OR5I1: variants seen among roughly 807,000 people sequenced by gnomAD.
OR5I1 encodes the protein olfactory receptor 5I1.
For missense variants in OR5I1, 425 were observed against 367.6 expected (o/e 1.16, Z -1.28); for synonymous variants, 163 against 145.5 (o/e 1.12, Z -0.87).
Position 55,935,869 on chromosome 11 carries a change from G to T in OR5I1, c.532C>A (p.His178Asn), listed in dbSNP as rs1565151515. 6.2e-7 allele frequency: 1 copy of T among 1,611,724 alleles called. No individual in the cohort carries two copies. The highest frequency in any genetic ancestry group is 8.5e-7 in the Non-Finnish European group (1 of 1,178,874). The change falls in exon 1 of 1, where the codon CAT (histidine) becomes AAT (asparagine). Residue 178 changes from histidine (H) to asparagine (N), a missense_variant. His to Asn is a moderately conservative substitution (Grantham distance 68). Coordinates refer to ENST00000301532, the MANE Select transcript of OR5I1 (RefSeq NM_006637.1). ...LKYCDKNVIN[H>N]FFCDLPPLLK... ...AGGGGAGGGAGGTCACAGAAAAAATGATTAATAACATTTTTGTCACAATAT... is the reference window on the plus strand; with the variant it reads ...AGGGGAGGGAGGTCACAGAAAAAATTATTAATAACATTTTTGTCACAATAT...
chr11:55,935,807 C>T lies in OR5I1; in HGVS notation c.594G>A (p.Glu198=). The T allele has an allele frequency of 6.2e-7, 1 of 1,611,816 alleles. No individual in the cohort carries two copies. Among genetic ancestry groups the T allele is most frequent in the Non-Finnish European group, 8.5e-7 (1 of 1,178,854 alleles). Residue 198 remains glutamate (E), a synonymous_variant, in exon 1 of 1, where the codon GAG becomes GAA. Transcript: ENST00000301532. ...KLSCTDTTIN[E]WLLSTYGSSV... is the part of the protein sequence containing the mutation. Reference sequence around the variant, plus strand: ...AGCTGCCGTATGTGGAGAGGAGCCACTCATTAATTGTTGTGTCAGTGCAGG... The same window carrying T: ...AGCTGCCGTATGTGGAGAGGAGCCATTCATTAATTGTTGTGTCAGTGCAGG...
rs150214944 is a variant in OR5I1, at chr11:55,936,371, C to T, written c.30G>A (p.Leu10=). 2 of 1,585,642 alleles carry T rather than the reference C, an allele frequency of 1.3e-6. No homozygotes were observed. The highest frequency in any genetic ancestry group is 2.7e-5 in the African/African-American group (2 of 73,722). The change falls in exon 1 of 1, where the codon TTG becomes TTA. Residue 10 remains leucine (L), a synonymous_variant. Transcript: ENST00000301532. MEFTDRNYT[L]VTEFILLGFP... ...AACCTAATAGAATAAACTCAGTGACCAACGTGTAGTTTCTATCTGTAAATT... is the reference window on the plus strand; with the variant it reads ...AACCTAATAGAATAAACTCAGTGACTAACGTGTAGTTTCTATCTGTAAATT...
At position 55,935,505 on chromosome 11, in the gene OR5I1, A is replaced by G; in HGVS notation, c.896T>C (p.Val299Ala). 6.2e-7 allele frequency: 1 copy of G among 1,606,990 alleles called. No homozygotes were observed. The highest frequency in any genetic ancestry group is 8.5e-7 in the Non-Finnish European group (1 of 1,176,698). The part of the protein sequence containing the change: ...PLIYSLRNKD[V>A]KDAAEKVLRS... ...TAGAACTTTCTCAGCTGCATCCTTT[A>G]CATCTTTATTTCTCAAACTATAAAT... is the stretch of plus-strand genomic sequence containing the variant. Residue 299 changes from valine (V) to alanine (A), a missense_variant, in exon 1 of 1, where the codon GTA becomes GCA. Coordinates refer to ENST00000301532, the MANE Select transcript of OR5I1 (RefSeq NM_006637.1).
rs761721509 is a variant in OR5I1 at position 55,936,280 on chromosome 11, G to T, written c.121C>A (p.Leu41Met). The change falls in exon 1 of 1, where the codon CTG (leucine) becomes ATG (methionine). Residue 41 changes from leucine (L) to methionine (M), a missense_variant. By Grantham distance (15) the Leu-to-Met change is conservative. Coordinates refer to ENST00000301532, the MANE Select transcript of OR5I1 (RefSeq NM_006637.1). ...AGCATCAATCCAATGTTCCCTATCA[G>T]AATTATAGCATACAATGTCAGAAAC... ...LMFLTLYAII[L>M]IGNIGLMLLI... is the part of the protein sequence containing the mutation. 1 of 1,611,730 alleles carries T rather than the reference G, an allele frequency of 6.2e-7. No individual in the cohort carries two copies. The highest frequency in any genetic ancestry group is 1.1e-5 in the South Asian group (1 of 91,016).
rs1043208471 is a variant in OR5I1 at position 55,935,874 on chromosome 11, A to G, written c.527T>C (p.Ile176Thr). 1 of 1,611,808 alleles carries G rather than the reference A, an allele frequency of 6.2e-7. No individual in the cohort carries two copies. Among genetic ancestry groups the G allele is most frequent in the South Asian group, 1.1e-5 (1 of 90,970 alleles). ...AGGGAGGTCACAGAAAAAATGATTAATAACATTTTTGTCACAATATTTCAG... is the reference window on the plus strand; with the variant it reads ...AGGGAGGTCACAGAAAAAATGATTAGTAACATTTTTGTCACAATATTTCAG... Reference protein sequence around the residue: ...FILKYCDKNVINHFFCDLPPL... With the variant: ...FILKYCDKNVTNHFFCDLPPL... The change falls in exon 1 of 1, where the codon ATT (isoleucine) becomes ACT (threonine). Residue 176 changes from isoleucine (I) to threonine (T), a missense_variant. By Grantham distance (89) the Ile-to-Thr change is moderately conservative. Coordinates refer to ENST00000301532, the MANE Select transcript of OR5I1 (RefSeq NM_006637.1).
In OR5I1 at chr11:55,935,825, A is replaced by G; in HGVS notation, c.576T>C (p.Thr192=). 1 of 1,611,906 alleles carries G rather than the reference A, an allele frequency of 6.2e-7. No individual in the cohort carries two copies. ...DLPPLLKLSC[T]DTTINEWLLS... is the part of the protein sequence containing the mutation. ...GGAGCCACTCATTAATTGTTGTGTCAGTGCAGGATAGTTTAAGCAGGGGAG... is the reference window on the plus strand; with the variant it reads ...GGAGCCACTCATTAATTGTTGTGTCGGTGCAGGATAGTTTAAGCAGGGGAG... The change falls in exon 1 of 1, where the codon ACT becomes ACC. Residue 192 remains threonine, a synonymous_variant. Coordinates refer to ENST00000301532, the MANE Select transcript of OR5I1 (RefSeq NM_006637.1).
In OR5I1 at chr11:55,936,166, T is replaced by C; in HGVS notation, c.235A>G (p.Ile79Val). ...AAATTGACCAGCATTTTGGGAACAA[T>C]GTCTGAGAAATAGCAAAGGTCTACA... ...SFVDLCYFSD[I>V]VPKMLVNFLS... Residue 79 changes from isoleucine (I) to valine (V), a missense_variant, in exon 1 of 1, where the codon ATT becomes GTT. Coordinates refer to ENST00000301532, the MANE Select transcript of OR5I1 (RefSeq NM_006637.1). 1.2e-6 allele frequency: 2 copies of C among 1,612,148 alleles called. No homozygotes were observed.
rs750061398 is a variant in OR5I1, at chr11:55,936,224, G to C, written c.177C>G (p.Thr59=). 6.2e-7 allele frequency: 1 copy of C among 1,612,006 alleles called. No homozygotes were observed. Among genetic ancestry groups the C allele is most frequent in the Non-Finnish European group, 8.5e-7 (1 of 1,178,904 alleles). Residue 59 remains threonine, a synonymous_variant, in exon 1 of 1, where the codon ACC becomes ACG. Transcript: ENST00000301532. ...LLIRIDPHLQ[T]PMYFFLSNLS... The stretch of plus-strand genomic sequence containing the variant: ...GGTTGCTAAGGAAAAAATACATGGG[G>C]GTTTGAAGGTGAGGATCAATCCTGA...
Position 55,936,046 on chromosome 11 carries a change from C to T in OR5I1, c.355G>A (p.Ala119Thr), listed in dbSNP as rs777329573. 1.7e-5 allele frequency: 28 copies of T among 1,611,598 alleles called. No individual in the cohort carries two copies. The East Asian group carries it at 5.1e-4, about 30-fold the overall frequency. Residue 119 changes from alanine to threonine, a missense_variant, in exon 1 of 1, where the codon GCC (alanine) becomes ACC (threonine). Physicochemically the swap from Ala to Thr is moderately conservative, Grantham distance 58 (BLOSUM62 0). Coordinates refer to ENST00000301532, the MANE Select transcript of OR5I1 (RefSeq NM_006637.1). Reference sequence around the variant, plus strand: ...GCGACATAGCGATCATAGGCCATGGCGGCCAGGATGAAGGATTCTGTATCT... The same window carrying T: ...GCGACATAGCGATCATAGGCCATGGTGGCCAGGATGAAGGATTCTGTATCT... ...FADTESFILA[A>T]MAYDRYVAIC...
chr11:55,936,297 G>A lies in OR5I1; in HGVS notation c.104C>T (p.Thr35Ile), dbSNP rs1263873543. ...LQIVLFLMFL[T>I]LYAIILIGNI... ...CCCTATCAGAATTATAGCATACAAT[G>A]TCAGAAACATGAGGAACAGGACAAT... The change falls in exon 1 of 1, where the codon ACA becomes ATA. Residue 35 changes from threonine (T) to isoleucine (I), a missense_variant. Physicochemically the swap from Thr to Ile is moderately conservative, Grantham distance 89. Transcript: ENST00000301532. 1 of 1,611,536 alleles carries A rather than the reference G, an allele frequency of 6.2e-7. No homozygotes were observed. The highest frequency in any genetic ancestry group is 8.5e-7 in the Non-Finnish European group (1 of 1,178,514).
chr11:55,935,702 G>A lies in OR5I1; in HGVS notation c.699C>T (p.Phe233=), dbSNP rs1450289877. ...ILLSVLKIRS[F]SGRKKTFSTC... ...TAGAAAAGGTCTTCTTCCTCCCACT[G>A]AAAGAGCGGATCTTTAAGACTGAGA... Residue 233 remains phenylalanine (F), a synonymous_variant, in exon 1 of 1, where the codon TTC becomes TTT. Coordinates refer to ENST00000301532, the MANE Select transcript of OR5I1 (RefSeq NM_006637.1). The A allele has an allele frequency of 1.2e-6, 2 of 1,609,460 alleles. No individual in the cohort carries two copies. The highest frequency in any genetic ancestry group is 1.7e-6 in the Non-Finnish European group (2 of 1,177,636).
rs377001945 is a variant in OR5I1, at chr11:55,936,225, G to T, written c.176C>A (p.Thr59Asn). Residue 59 changes from threonine to asparagine, a missense_variant, in exon 1 of 1, where the codon ACC becomes AAC. Thr to Asn is a moderately conservative substitution (Grantham distance 65). Coordinates refer to ENST00000301532, the MANE Select transcript of OR5I1 (RefSeq NM_006637.1). Reference protein sequence around the residue: ...LLIRIDPHLQTPMYFFLSNLS... With the variant: ...LLIRIDPHLQNPMYFFLSNLS... Reference sequence around the variant, plus strand: ...GTTGCTAAGGAAAAAATACATGGGGGTTTGAAGGTGAGGATCAATCCTGAT... The same window carrying T: ...GTTGCTAAGGAAAAAATACATGGGGTTTTGAAGGTGAGGATCAATCCTGAT... The T allele has an allele frequency of 6.2e-7, 1 of 1,612,166 alleles. No individual in the cohort carries two copies. The highest frequency in any genetic ancestry group is 8.5e-7 in the Non-Finnish European group (1 of 1,178,888).
At position 55,936,177 on chromosome 11, in the gene OR5I1, T is replaced by C. The variant is rs139694249; in HGVS notation, c.224A>G (p.Tyr75Cys). 3.1e-4 allele frequency: 504 copies of C among 1,612,056 alleles called. No individual in the cohort carries two copies. Among genetic ancestry groups the C allele is most frequent in the Non-Finnish European group, 3.9e-4 (462 of 1,178,952 alleles). The change falls in exon 1 of 1, where the codon TAT becomes TGT. Residue 75 changes from tyrosine (Y) to cysteine (C), a missense_variant. Transcript: ENST00000301532. ...CATTTTGGGAACAATGTCTGAGAAA[T>C]AGCAAAGGTCTACAAATGATAGGTT... Reference protein sequence around the residue: ...LSNLSFVDLCYFSDIVPKMLV... With the variant: ...LSNLSFVDLCCFSDIVPKMLV...
rs759132745 is a variant in OR5I1, at chr11:55,935,712, AT to A, written c.688del (p.Ile230SerfsTer18). The part of the protein sequence containing the change: ...YFFILLSVLK[I>X]RSFSGRKKTF... Reference sequence around the variant, plus strand: ...CTTCTTCCTCCCACTGAAAGAGCGGATCTTTAAGACTGAGAGAAGAATGAAA... The same window carrying A: ...CTTCTTCCTCCCACTGAAAGAGCGGACTTTAAGACTGAGAGAAGAATGAAA... On this transcript the variant is annotated frameshift_variant, in exon 1 of 1. Coordinates refer to ENST00000301532, the MANE Select transcript of OR5I1 (RefSeq NM_006637.1). LOFTEE classifies it low-confidence loss of function (END_TRUNC). The A allele has an allele frequency of 4.3e-6, 7 of 1,609,490 alleles. No individual in the cohort carries two copies. The highest frequency in any genetic ancestry group is 5.9e-6 in the Non-Finnish European group (7 of 1,177,650).
In OR5I1 at chr11:55,935,560, T is replaced by C. The variant is rs1403874116; in HGVS notation, c.841A>G (p.Thr281Ala). 1 of 1,611,222 alleles carries C rather than the reference T, an allele frequency of 6.2e-7. No homozygotes were observed. The highest frequency in any genetic ancestry group is 8.5e-7 in the Non-Finnish European group (1 of 1,178,374). The change falls in exon 1 of 1, where the codon ACC (threonine) becomes GCC (alanine). Residue 281 changes from threonine to alanine, a missense_variant. Physicochemically the swap from Thr to Ala is moderately conservative, Grantham distance 58. Coordinates refer to ENST00000301532, the MANE Select transcript of OR5I1 (RefSeq NM_006637.1). ...GGATTCAGCACTGGAATGAAAATGG[T>C]GTAGAACACTGAGATAATTTTATCA... The part of the protein sequence containing the change: ...NTDKIISVFY[T>A]IFIPVLNPLI...
At position 55,935,595 on chromosome 11, in the gene OR5I1, G is replaced by A. The variant is rs767149458; in HGVS notation, c.806C>T (p.Ser269Phe). The change falls in exon 1 of 1, where the codon TCT becomes TTT. Residue 269 changes from serine (S) to phenylalanine (F), a missense_variant. Ser to Phe is a radical substitution (Grantham distance 155). Coordinates refer to ENST00000301532, the MANE Select transcript of OR5I1 (RefSeq NM_006637.1). ...FIYSRPSYLY[S>F]PNTDKIISVF... ...TGAGATAATTTTATCAGTGTTTGGA[G>A]AATACAGGTAGCTGGGCCGTGAGTA... The A allele has an allele frequency of 6.2e-7, 1 of 1,611,576 alleles. No homozygotes were observed. Among genetic ancestry groups the A allele is most frequent in the Admixed American group, 1.7e-5 (1 of 59,698 alleles).
Position 55,935,961 on chromosome 11 carries a change from A to T in OR5I1, c.440T>A (p.Ile147Asn). ...GTTGCCTCCAAGGTATGACAAGACAATCAACCGCATACAGATGCCCCTAGA... is the reference window on the plus strand; with the variant it reads ...GTTGCCTCCAAGGTATGACAAGACATTCAACCGCATACAGATGCCCCTAGA... ...VMSRGICMRL[I>N]VLSYLGGNMS... Residue 147 changes from isoleucine to asparagine, a missense_variant, in exon 1 of 1, where the codon ATT becomes AAT. Transcript: ENST00000301532. 6.2e-7 allele frequency: 1 copy of T among 1,612,456 alleles called. No homozygotes were observed.
In OR5I1 at chr11:55,935,544, A is replaced by G; in HGVS notation, c.857T>C (p.Val286Ala). 1 of 1,611,250 alleles carries G rather than the reference A, an allele frequency of 6.2e-7. No individual in the cohort carries two copies. The highest frequency in any genetic ancestry group is 8.5e-7 in the Non-Finnish European group (1 of 1,178,402). ...ISVFYTIFIP[V>A]LNPLIYSLRN... is the part of the protein sequence containing the mutation. ...CAAACTATAAATCAACGGATTCAGC[A>G]CTGGAATGAAAATGGTGTAGAACAC... Residue 286 changes from valine (V) to alanine (A), a missense_variant, in exon 1 of 1, where the codon GTG becomes GCG. Physicochemically the swap from Val to Ala is moderately conservative, Grantham distance 64. Coordinates refer to ENST00000301532, the MANE Select transcript of OR5I1 (RefSeq NM_006637.1).
chr11:55,936,009 G>A lies in OR5I1; in HGVS notation c.392C>T (p.Pro131Leu). Residue 131 changes from proline (P) to leucine (L), a missense_variant, in exon 1 of 1, where the codon CCT (proline) becomes CTT (leucine). By Grantham distance (98) the Pro-to-Leu change is moderately conservative. Transcript: ENST00000301532. ...AYDRYVAICNPLLYTVVMSRG... is the reference protein window; with the variant it reads ...AYDRYVAICNLLLYTVVMSRG... ...AGACATCACAACTGTGTACAATAAA[G>A]GGTTACAGATGGCGACATAGCGATC... The A allele has an allele frequency of 6.2e-7, 1 of 1,612,368 alleles. No individual in the cohort carries two copies.
Sources: allele counts gnomAD v4.1 joint callset, GRCh38; gene constraint gnomAD v4.1.1; transcripts MANE v1.5; gene names NCBI Gene and HGNC (gene_info 2026-07-23, HGNC 2026-07-21).